Variants in EXT1 observed in about 807,000 individuals in gnomAD.
EXT1 encodes exostosin-1.
A neutral mutation model predicts 82.5 loss-of-function variants in EXT1; 20 were observed. The observed-to-expected ratio is 0.24, with a 90% confidence interval of 0.17 to 0.35. The LOEUF (loss-of-function observed/expected upper bound fraction) is 0.35, where lower values mean the gene tolerates loss of function less well. EXT1 is among the 10% of genes least tolerant of loss of function. The probability of loss-of-function intolerance (pLI) is 1.00; values close to 1 mark genes in which losing one functional copy is unlikely to be tolerated. For missense variants in EXT1, 757 were observed against 936.5 expected (o/e 0.81, Z 2.50); for synonymous variants, 348 against 350.8 (o/e 0.99, Z 0.09).
chr8:117,956,003 C>T (rs550920658), intron 1 of EXT1, among the ~76,000 whole-genome samples: 2 of 152,248 alleles, frequency 1.3e-5, no homozygotes, highest in Admixed American at 6.5e-5. Context: ...AAAGATGGAA[C>T]ATTAACATAA....
At chr8:117,982,867 A>G (rs1294146026) in intron 1 of EXT1, among the ~76,000 whole-genome samples, 1 of 152,198 alleles carries the variant, frequency 6.6e-6, no homozygotes, top group East Asian at 1.9e-4. Flanking sequence ...AACAGATGTA[A>G]ATATACCATG....
chr8:117,825,850 C>T (rs1366078564), intron 4 of EXT1, among the ~76,000 whole-genome samples: 3 of 152,164 alleles, frequency 2.0e-5, no homozygotes, highest in Non-Finnish European at 4.4e-5. Flanking sequence ...GAAAATGAAG[C>T]ATACTTCATT....
At chr8:117,988,942 A>T (rs915841230) in intron 1 of EXT1, among the ~76,000 whole-genome samples, 2 of 151,764 alleles carry the variant, frequency 1.3e-5, no homozygotes, top group African/African-American at 2.4e-5. Context: ...AAAATAAAAA[A>T]TCTGACAGGT....
chr8:117,969,490 C>T (rs1475561770), intron 1 of EXT1, among the ~76,000 whole-genome samples: 2 of 152,190 alleles, frequency 1.3e-5, no homozygotes, highest in African/African-American at 2.4e-5. Context: ...ATCCCAGAGA[C>T]GCAAATTCTC....
intron 1 of EXT1, among the ~76,000 whole-genome samples, chr8:118,081,540 GTTTT>G (rs1817330657): frequency 6.6e-6 from 1 of 152,182 alleles, no homozygotes. Flanking sequence ...TTCATAAAGT[GTTTT>G]CATCACAGAA....
chr8:117,840,618 G>GAAAAAAAAAAAAAAAAAAAAAA, intron 1 of EXT1, among the ~76,000 whole-genome samples: 1 of 89,692 alleles, frequency 1.1e-5, no homozygotes, highest in Non-Finnish European at 2.4e-5. Context: ...ATCTCAAAAA[G>GAAAAAAAAAAAAAAAAAAAAAA]AAAAAAAAAA....
At chr8:117,968,850 TG>T (rs1814882835) in intron 1 of EXT1, among the ~76,000 whole-genome samples, 1 of 64,502 alleles carries the variant, frequency 1.6e-5, no homozygotes, top group Non-Finnish European at 2.5e-5. Flanking sequence ...ATTACAGGCG[TG>T]AGCCACTGTG....
chr8:118,070,274 G>GTA (rs1397279230), intron 1 of EXT1, among the ~76,000 whole-genome samples: 1 of 124,648 alleles, frequency 8.0e-6, no homozygotes, highest in Non-Finnish European at 1.7e-5. Context: ...GTGTGTGTGT[G>GTA]TGCATATCAT....
intron 5 of EXT1, among the ~76,000 whole-genome samples, chr8:117,821,299 G>T (rs1004575322): frequency 2.0e-5 from 3 of 152,134 alleles, no homozygotes; most frequent in African/African-American, 4.8e-5. Flanking sequence ...AAGTTTTGCC[G>T]AGTAAGAAGA....
intron 1 of EXT1, among the ~76,000 whole-genome samples, chr8:117,858,805 C>CAAGGT (rs1812622394): frequency 1.5e-5 from 1 of 66,730 alleles, no homozygotes; most frequent in Admixed American, 1.5e-4. Context: ...CAAGGCAAGG[C>CAAGGT]AAGGCAGGAA....
intron 1 of EXT1, among the ~76,000 whole-genome samples, chr8:118,027,696 C>T (rs1018782531): frequency 6.6e-6 from 1 of 152,124 alleles, no homozygotes; most frequent in Admixed American, 6.5e-5. Flanking sequence ...GCCCCCATAT[C>T]GACACATTAT....
chr8:117,809,218 A>AATAAATATATAT (rs1823281116), intron 8 of EXT1, among the ~76,000 whole-genome samples: 2 of 107,946 alleles, frequency 1.9e-5, no homozygotes, highest in African/African-American at 3.1e-5. Context: ...TGTGTGTATA[A>AATAAATATATAT]ATATATATAT....
intron 1 of EXT1, among the ~76,000 whole-genome samples, chr8:118,055,273 T>A (rs1200106096): frequency 6.6e-6 from 1 of 152,214 alleles, no homozygotes; most frequent in Non-Finnish European, 1.5e-5. Flanking sequence ...GCTTCTTCAC[T>A]CAGCATATTT....
intron 1 of EXT1, among the ~76,000 whole-genome samples, chr8:118,050,483 C>T (rs564347006): frequency 1.7e-3 from 254 of 152,278 alleles, no homozygotes; most frequent in Non-Finnish European, 3.0e-3. Context: ...TATTCATTTT[C>T]GATCTGCCTC....
intron 1 of EXT1, among the ~76,000 whole-genome samples, chr8:118,026,325 T>G (rs567267548): frequency 6.6e-5 from 10 of 152,366 alleles, no homozygotes; most frequent in African/African-American, 2.2e-4. Context: ...GCTCAGGTTA[T>G]TATTTTTTAT....
intron 1 of EXT1, among the ~76,000 whole-genome samples, chr8:118,099,949 G>T (rs1317933427): frequency 6.6e-6 from 1 of 152,126 alleles, no homozygotes; most frequent in East Asian, 1.9e-4. Context: ...GCAACTTTGG[G>T]CTGTTTTCAC....
intron 1 of EXT1, among the ~76,000 whole-genome samples, chr8:117,929,379 G>A (rs1489505629): frequency 6.6e-6 from 1 of 152,174 alleles, no homozygotes; most frequent in Non-Finnish European, 1.5e-5. Flanking sequence ...GCACAAATAT[G>A]ATACGAGCAC....
At chr8:117,904,540 C>T (rs17453043) in intron 1 of EXT1, among the ~76,000 whole-genome samples, 46,438 of 151,830 alleles carry the variant, frequency 0.31, 7,426 homozygotes, top group East Asian at 0.37. Context: ...TCATAGGAGC[C>T]GGTACTTTGT....
intron 3 of EXT1, among the ~76,000 whole-genome samples, chr8:117,831,851 T>G (rs774395726): frequency 1.3e-5 from 2 of 152,190 alleles, no homozygotes; most frequent in Non-Finnish European, 2.9e-5. Context: ...GGTTTGACAA[T>G]GTCCAAAACC....
Sources: gnomAD v4.1 joint callset for allele counts (sites outside exome capture counted in the v4.1 genomes callset) on GRCh38, gnomAD v4.1.1 for gene constraint, MANE v1.5 for transcripts, NCBI Gene and HGNC (gene_info 2026-07-23, HGNC 2026-07-21) for gene names.